The following GREB1L variants were observed in gnomAD, a reference collection of about 807,000 sequenced individuals.
GREB1L encodes the protein GREB1-like protein.
Under a neutral mutation model 200.8 loss-of-function variants are expected in GREB1L, and 17 were observed. The ratio of observed to expected loss-of-function variants is 0.08; its 90% CI spans 0.06 to 0.13. GREB1L has a LOEUF of 0.13. Among genes scored for constraint, GREB1L ranks in the 10% least tolerant of loss-of-function variants. The pLI is 1.00. For missense variants in GREB1L, 1,657 were observed against 2,367.7 expected, an observed-to-expected ratio of 0.70 and a Z score of 6.23; for synonymous variants, 789 against 893.0, an observed-to-expected ratio of 0.88 and a Z score of 2.08.
At chr18:21,452,546 C>T (rs1020620665) in intron 14 of GREB1L, 10 of 220,120 alleles carry the variant, frequency 4.5e-5, no homozygotes, top group Admixed American at 1.6e-4. Context: ...TTCAAAAAAC[C>T]GTCTGAAAGA....
At chr18:21,522,468 G>A (rs1488670635) in intron 32 of GREB1L, among the ~76,000 whole-genome samples, 190 bp from the exon 33 acceptor site, 2 of 151,964 alleles carry the variant, frequency 1.3e-5, no homozygotes, top group South Asian at 4.2e-4. Context: ...GCAAGACTCC[G>A]TCTCAAAAAA....
At chr18:21,359,010 A>G (rs1167929283) in intron 1 of GREB1L, among the ~76,000 whole-genome samples, 1 of 152,164 alleles carries the variant, frequency 6.6e-6, no homozygotes, top group Non-Finnish European at 1.5e-5. Flanking sequence ...GACCACCATA[A>G]ATGTTTTCAA....
chr18:21,412,367 C>T (rs2031154204), intron 7 of GREB1L, among the ~76,000 whole-genome samples: 1 of 152,102 alleles, frequency 6.6e-6, no homozygotes, highest in South Asian at 2.1e-4. Context: ...GAGCTGTGAT[C>T]TCACCACTGC....
At chr18:21,345,103 C>T (rs1438599589) in intron 1 of GREB1L, among the ~76,000 whole-genome samples, 1 of 152,188 alleles carries the variant, frequency 6.6e-6, no homozygotes, top group African/African-American at 2.4e-5. Context: ...TTAGCTGACC[C>T]TAAGTACTAG....
At chr18:21,459,952 T>C in intron 15 of GREB1L, among the ~76,000 whole-genome samples, 1 of 152,004 alleles carries the variant, frequency 6.6e-6, no homozygotes, top group East Asian at 1.9e-4. Context: ...TCAGGCACAT[T>C]TACCCCCCGC....
At chr18:21,254,623 C>T (rs1342142840) in intron 1 of GREB1L, among the ~76,000 whole-genome samples, 2 of 152,088 alleles carry the variant, frequency 1.3e-5, no homozygotes, top group African/African-American at 4.8e-5. Context: ...TTGGTTATAT[C>T]ACCAACATTT....
At chr18:21,339,047 C>T (rs1228966996) in intron 1 of GREB1L, among the ~76,000 whole-genome samples, 9 of 152,162 alleles carry the variant, frequency 5.9e-5, no homozygotes, top group Middle Eastern at 3.4e-3. Flanking sequence ...AAATTCCTGG[C>T]GTGGTGGCGG....
chr18:21,485,341 T>G (rs1247209646), intron 17 of GREB1L: 1 of 288,390 alleles, frequency 3.5e-6, no homozygotes, highest in African/African-American at 2.2e-5. Flanking sequence ...ACCTTGTGTA[T>G]CCCAACAAAA....
At chr18:21,281,440 G>T (rs961567243) in intron 1 of GREB1L, among the ~76,000 whole-genome samples, 7 of 152,090 alleles carry the variant, frequency 4.6e-5, no homozygotes, top group Non-Finnish European at 8.8e-5. Context: ...CTTTTAGTTG[G>T]GTTTTGGTAG....
chr18:21,444,458 T>C (rs2034094315), intron 11 of GREB1L, 49 bp downstream of exon 11: 10 of 1,409,006 alleles, frequency 7.1e-6, no homozygotes, highest in Non-Finnish European at 9.7e-6. Context: ...TTGAGGATTT[T>C]TTGTGATGTA....
chr18:21,283,230 A>G (rs539967029), intron 1 of GREB1L, among the ~76,000 whole-genome samples: 1 of 152,360 alleles, frequency 6.6e-6, no homozygotes, highest in South Asian at 2.1e-4. Flanking sequence ...AATACCTGTT[A>G]AATTGTTCTA....
At chr18:21,447,513 C>T (rs543401601) in intron 11 of GREB1L, among the ~76,000 whole-genome samples, 1 of 152,154 alleles carries the variant, frequency 6.6e-6, no homozygotes, top group Non-Finnish European at 1.5e-5. Flanking sequence ...TTTTATTTTC[C>T]CAGAATGCCT....
intron 2 of GREB1L, among the ~76,000 whole-genome samples, chr18:21,378,137 A>G (rs1370163287): frequency 1.3e-5 from 2 of 152,184 alleles, no homozygotes; most frequent in Non-Finnish European, 2.9e-5. Flanking sequence ...CAGGTGTTAC[A>G]CCATCTCAGG....
chr18:21,338,457 T>C (rs1385480174), intron 1 of GREB1L, among the ~76,000 whole-genome samples: 1 of 152,284 alleles, frequency 6.6e-6, no homozygotes, highest in African/African-American at 2.4e-5. Context: ...CTGTAGCCAT[T>C]GCTGAAACAA....
At chr18:21,484,843 AAAAGTGAGACC>A (rs2145805746) in intron 17 of GREB1L, among the ~76,000 whole-genome samples, 1 of 152,312 alleles carries the variant, frequency 6.6e-6, no homozygotes, top group South Asian at 2.1e-4. Flanking sequence ...ATAAAATAAC[AAAAGTGAGACC>A]AAATGGCACA....
chr18:21,379,539 C>T (rs953173744), intron 2 of GREB1L, among the ~76,000 whole-genome samples: 2 of 152,170 alleles, frequency 1.3e-5, no homozygotes, highest in African/African-American at 4.8e-5. Flanking sequence ...AGGAAGATAA[C>T]TTGTTGGAGT....
chr18:21,469,879 T>A (rs1045311632), intron 15 of GREB1L, among the ~76,000 whole-genome samples: 1 of 152,216 alleles, frequency 6.6e-6, no homozygotes, highest in Non-Finnish European at 1.5e-5. Flanking sequence ...AAGAAATTCT[T>A]AATTTCCAGT....
intron 1 of GREB1L, among the ~76,000 whole-genome samples, chr18:21,331,896 G>A (rs1415657220): frequency 6.6e-6 from 1 of 152,130 alleles, no homozygotes; most frequent in African/African-American, 2.4e-5. Flanking sequence ...TAATTTAGTT[G>A]TAAATAGTGA....
chr18:21,289,035 C>G (rs1049867109), intron 1 of GREB1L, among the ~76,000 whole-genome samples: 2 of 152,098 alleles, frequency 1.3e-5, no homozygotes, highest in African/African-American at 4.8e-5. Context: ...TGCACCTGGC[C>G]AGCTACCATG....
Sources: allele counts gnomAD v4.1 joint callset (sites outside exome capture counted in the v4.1 genomes callset), GRCh38; gene constraint gnomAD v4.1.1; transcripts MANE v1.5; gene names NCBI Gene and HGNC (gene_info 2026-07-23, HGNC 2026-07-21).